DCC: variants seen among roughly 807,000 people sequenced by gnomAD.
DCC encodes the protein netrin receptor DCC.
A neutral mutation model predicts 172.5 loss-of-function variants in DCC; 58 were observed. The observed-to-expected ratio is 0.34, with a 90% CI of 0.27 to 0.42. DCC has a LOEUF of 0.42. Ranked by LOEUF, DCC falls within the 10% of genes least tolerant of loss-of-function variation. DCC has a pLI of 1.00. For missense variants in DCC, 1,740 were observed against 1,791.0 expected, an observed-to-expected ratio of 0.97 and a Z score of 0.51; for synonymous variants, 709 against 644.5, an observed-to-expected ratio of 1.10 and a Z score of -1.52.
chr18:52,612,956 C>T (rs1447022734), intron 1 of DCC, among the ~76,000 whole-genome samples: 3 of 152,062 alleles, frequency 2.0e-5, no homozygotes, highest in African/African-American at 7.2e-5. Context: ...ACTCAAAGTT[C>T]GTCTTTTGCT....
chr18:52,553,222 A>T (rs1026560642), intron 1 of DCC, among the ~76,000 whole-genome samples: 5 of 150,562 alleles, frequency 3.3e-5, no homozygotes, highest in Admixed American at 6.6e-5. Context: ...AAACATATAT[A>T]CATATACACA....
In DCC at chr18:53,312,289, C is replaced by T. The variant is rs1402148607; in HGVS notation, c.2053+6570C>T. ...CCGGGAGGTGGGGCTTGCAGTGAGC[C>T]GAGATTGCGCCACTGCCCTCCAGCC... On this transcript the variant is annotated intron_variant, in intron 13 of 28. Transcript: ENST00000442544. Among the ~76,000 whole-genome samples, 3 of 132,212 alleles carry T rather than the reference C, an allele frequency of 2.3e-5. No homozygotes were observed. In the East Asian group the frequency reaches 7.0e-4, roughly 31 times the overall value. 86.7% of individuals were successfully genotyped at this position (132,212 alleles called of 152,430 possible).
At position 52,880,796 on chromosome 18, in the gene DCC, T is replaced by A. The variant is rs1675798486; in HGVS notation, c.413-25248T>A. ...ACTCAAGTTGCTTCCAAATCTTGGC[T>A]GTTGTGAACAGTGCTACAACAAACA... On this transcript the variant is annotated intron_variant, in intron 2 of 28. Transcript: ENST00000442544. Among the ~76,000 whole-genome samples the A allele has an allele frequency of 2.6e-5, 4 of 152,246 alleles. No individual in the cohort carries two copies. The South Asian group carries it at 8.3e-4, about 31-fold the overall frequency.
intron 1 of DCC, among the ~76,000 whole-genome samples, chr18:52,480,541 A>G (rs1431752323): frequency 1.1e-4 from 16 of 152,334 alleles, no homozygotes; most frequent in South Asian, 8.3e-4. Context: ...TTGTATAAAA[A>G]CAGTGATAAA....
chr18:53,399,467 A>G (rs1197872940), intron 18 of DCC, among the ~76,000 whole-genome samples: 1 of 152,128 alleles, frequency 6.6e-6, no homozygotes, highest in African/African-American at 2.4e-5. Context: ...TTTAAAAGGA[A>G]GAGGAGAGGA....
intron 1 of DCC, among the ~76,000 whole-genome samples, chr18:52,472,370 G>T (rs1176579791): frequency 1.3e-5 from 2 of 152,086 alleles, no homozygotes; most frequent in Non-Finnish European, 2.9e-5. Flanking sequence ...ATTAGTCTTA[G>T]CTCCTTTACT....
chr18:52,954,322 G>A (rs2040706620), intron 5 of DCC, among the ~76,000 whole-genome samples: 1 of 151,532 alleles, frequency 6.6e-6, no homozygotes, highest in Non-Finnish European at 1.5e-5. Flanking sequence ...AGTATTTTTT[G>A]GAGATGAAAT....
chr18:53,397,388 A>G lies in DCC; in HGVS notation c.2769A>G (p.Thr923=), dbSNP rs561245508. ...TGTATGAATTCTCGGTCATGGTAAC[A>G]AAAAACAGAAGGTCCAGTACTTGGA... The part of the protein sequence containing the change: ...NTMYEFSVMV[T]KNRRSSTWSM... Residue 923 remains threonine (T), a synonymous_variant, in exon 18 of 29, where the codon ACA becomes ACG. Transcript: ENST00000442544. The G allele has an allele frequency of 2.5e-6, 4 of 1,613,894 alleles. No homozygotes were observed. The highest frequency in any genetic ancestry group is 2.5e-6 in the Non-Finnish European group (3 of 1,179,940).
At chr18:52,846,985 TGTAA>T (rs1251079113) in intron 2 of DCC, among the ~76,000 whole-genome samples, 2 of 152,132 alleles carry the variant, frequency 1.3e-5, no homozygotes, top group Non-Finnish European at 2.9e-5. Context: ...GACTTCAATA[TGTAA>T]GTGTTATGTT....
chr18:52,965,965 A>C (rs755554468), intron 5 of DCC, among the ~76,000 whole-genome samples: 3 of 152,184 alleles, frequency 2.0e-5, no homozygotes, highest in Non-Finnish European at 4.4e-5. Context: ...AGTACATTCA[A>C]TAAACTCCAC....
intron 5 of DCC, among the ~76,000 whole-genome samples, chr18:53,007,148 T>G (rs1250738899): frequency 6.6e-6 from 1 of 152,156 alleles, no homozygotes; most frequent in East Asian, 1.9e-4. Flanking sequence ...AGAACAAAAT[T>G]ATTTGCATCT....
chr18:52,500,991 TTGAAGTA>T (rs781147018), intron 1 of DCC, among the ~76,000 whole-genome samples: 3 of 152,204 alleles, frequency 2.0e-5, no homozygotes, highest in Non-Finnish European at 4.4e-5. Flanking sequence ...TTTTGAATAT[TTGAAGTA>T]TGCACATTAA....
At chr18:53,317,208 G>C (rs572227869) in intron 13 of DCC, among the ~76,000 whole-genome samples, 2 of 152,230 alleles carry the variant, frequency 1.3e-5, no homozygotes, top group African/African-American at 4.8e-5. Flanking sequence ...TAATCATGTA[G>C]GTTTTGTCTT....
intron 14 of DCC, among the ~76,000 whole-genome samples, chr18:53,337,327 C>A (rs1175247616): frequency 2.0e-5 from 3 of 152,158 alleles, no homozygotes; most frequent in African/African-American, 7.2e-5. Context: ...GGCAGATTAT[C>A]TTGTTGTTTT....
At chr18:52,817,048 A>G (rs1182516113) in intron 2 of DCC, among the ~76,000 whole-genome samples, 1 of 152,144 alleles carries the variant, frequency 6.6e-6, no homozygotes, top group East Asian at 1.9e-4. Context: ...ATTGGAAATA[A>G]TGTTCCAGAC....
intron 1 of DCC, among the ~76,000 whole-genome samples, chr18:52,714,047 C>G (rs749378954): frequency 1.3e-5 from 2 of 152,214 alleles, no homozygotes; most frequent in Non-Finnish European, 2.9e-5. Context: ...GCTCCTGGCA[C>G]AGCCCTAAGT....
intron 5 of DCC, among the ~76,000 whole-genome samples, chr18:53,040,611 C>A (rs2042156282): frequency 1.3e-5 from 2 of 151,856 alleles, no homozygotes; most frequent in South Asian, 2.1e-4. Flanking sequence ...TATAAGATTG[C>A]AGAATTTGGC....
At chr18:52,605,755 CAG>C (rs2034119677) in intron 1 of DCC, among the ~76,000 whole-genome samples, 1 of 151,996 alleles carries the variant, frequency 6.6e-6, no homozygotes, top group Admixed American at 6.6e-5. Flanking sequence ...TTTGGGATAT[CAG>C]AGAGTGGATA....
intron 1 of DCC, among the ~76,000 whole-genome samples, chr18:52,415,358 G>C (rs1021635323): frequency 6.6e-6 from 1 of 152,180 alleles, no homozygotes; most frequent in Non-Finnish European, 1.5e-5. Flanking sequence ...CATCTCCTGT[G>C]ATATGTTCTA....
Sources: gnomAD v4.1 joint callset for allele counts (sites outside exome capture counted in the v4.1 genomes callset) on GRCh38, gnomAD v4.1.1 for gene constraint, MANE v1.5 for transcripts, NCBI Gene and HGNC (gene_info 2026-07-23, HGNC 2026-07-21) for gene names.